Variants in MEPE observed in about 807,000 individuals in gnomAD.
The protein encoded by MEPE is matrix, extracellular phosphoglycoprotein with ASARM motif (bone).
Under a neutral mutation model 7.3 loss-of-function variants are expected in MEPE, and 7 were observed. The ratio of observed to expected loss-of-function variants is 0.95; its 90% CI spans 0.54 to 1.79. The LOEUF (loss-of-function observed/expected upper bound fraction) is 1.79, where lower values mean the gene tolerates loss of function less well. MEPE is among the 40% of genes most tolerant of loss of function. The probability of loss-of-function intolerance (pLI) is 0.00; values close to 1 mark genes in which losing one functional copy is unlikely to be tolerated. For synonymous variants in MEPE, 214 were observed against 213.1 expected (o/e 1.00, Z -0.04); for missense variants, 623 against 628.2 (o/e 0.99, Z 0.09).
chr4:87,822,741 A>T (rs920216474), intron 1 of MEPE, among the ~76,000 whole-genome samples: 2 of 152,200 alleles, frequency 1.3e-5, no homozygotes, highest in African/African-American at 4.8e-5. Flanking sequence ...GAGCAAGGTC[A>T]AAAGTCCTGT....
chr4:87,843,964 T>C (rs1196819014), intron 3 of MEPE, among the ~76,000 whole-genome samples: 1 of 152,204 alleles, frequency 6.6e-6, no homozygotes, highest in Non-Finnish European at 1.5e-5. Flanking sequence ...AAAATGAAGT[T>C]GTCGGCTACC....
At chr4:87,830,173 A>C (rs1346590903), upstream of MEPE, among the ~76,000 whole-genome samples, 1 of 152,162 alleles carries the variant, frequency 6.6e-6, no homozygotes, top group African/African-American at 2.4e-5. Context: ...AGATGTTCTT[A>C]AAAGCAGTTC....
At chr4:87,838,505 G>T in intron 2 of MEPE, 127 bp from the exon 3 acceptor site, 1 of 783,926 alleles carries the variant, frequency 1.3e-6, no homozygotes, top group Non-Finnish European at 2.1e-6. Flanking sequence ...TCTTCTTTTG[G>T]TTAGAATGAT....
chr4:87,839,863 CT>C, intron 3 of MEPE: 1 of 1,543,036 alleles, frequency 6.5e-7, no homozygotes, highest in African/African-American at 1.4e-5. Context: ...GCAAAGTTTA[CT>C]TTTGCTTGCT....
rs1339937776 is a variant in MEPE, at chr4:87,846,508, G to A, written c.*62G>A. 1.3e-6 allele frequency: 2 copies of A among 1,530,742 alleles called. No individual in the cohort carries two copies. Among genetic ancestry groups the A allele is most frequent in the African/African-American group, 1.4e-5 (1 of 72,408 alleles). The allele number at this position is 1,530,742 out of a possible 1,614,324, so 94.8% of individuals were successfully genotyped here. On this transcript the variant is annotated 3_prime_UTR_variant, in exon 4 of 4. Transcript: ENST00000361056. ...ACCTCGTCACCTGTGAGTTGATGTA[G>A]AGGAGAGCCACCTGACAGCTGACCA...
At chr4:87,834,594 A>C (rs1337775798) in intron 1 of MEPE, 109 bp from the exon 2 acceptor site, 5 of 787,098 alleles carry the variant, frequency 6.4e-6, no homozygotes, top group Non-Finnish European at 8.3e-6. Context: ...AAGGATATGA[A>C]CTGCCAAGGG....
chr4:87,829,539 T>C (rs1005956288), upstream of MEPE, among the ~76,000 whole-genome samples: 1 of 152,072 alleles, frequency 6.6e-6, no homozygotes, highest in Admixed American at 6.6e-5. Flanking sequence ...ATTATAGCAA[T>C]AAAAAAATGA....
At chr4:87,837,220 A>G (rs888602923) in intron 2 of MEPE, among the ~76,000 whole-genome samples, 1 of 151,364 alleles carries the variant, frequency 6.6e-6, no homozygotes, top group African/African-American at 2.4e-5. Context: ...GGCTGGAAGG[A>G]AAAAAAAAGG....
In MEPE at chr4:87,833,949, C is replaced by T. The variant is rs189046540; in HGVS notation, c.-12-754C>T. On this transcript the variant is annotated intron_variant, in intron 1 of 3. Coordinates refer to ENST00000361056, the MANE Select transcript of MEPE (RefSeq NM_020203.6). ...AAAACTGGGTCTAGAGCCACATTGC[C>T]TGGATACTAATCCCAGTTCTGCCCC... 1.5e-4 allele frequency among the ~76,000 whole-genome samples: 23 copies of T among 152,278 alleles called. No individual in the cohort carries two copies. The East Asian group carries it at 4.4e-3, about 29-fold the overall frequency.
chr4:87,821,940 C>T (rs1156610884), intron 1 of MEPE, among the ~76,000 whole-genome samples: 2 of 152,156 alleles, frequency 1.3e-5, no homozygotes, highest in East Asian at 3.9e-4. Flanking sequence ...ATATATGCAG[C>T]ACAAGACCAC....
chr4:87,843,209 C>G (rs563329201), intron 3 of MEPE, among the ~76,000 whole-genome samples: 4 of 152,214 alleles, frequency 2.6e-5, no homozygotes, highest in Admixed American at 6.5e-5. Flanking sequence ...TTTCTTACCA[C>G]TGTTCCTCCT....
chr4:87,844,847 T>C, intron 3 of MEPE, 130 bp from the exon 4 acceptor site: 1 of 687,170 alleles, frequency 1.5e-6, no homozygotes, highest in Non-Finnish European at 2.2e-6. Context: ...CCTCTACCAG[T>C]AAACCTCTAT....
chr4:87,830,582 G>C (rs1411520243), upstream of MEPE, among the ~76,000 whole-genome samples: 13 of 152,122 alleles, frequency 8.5e-5, no homozygotes, highest in Admixed American at 6.6e-4. Context: ...CTACTTGAGG[G>C]TGAAGGGTGG....
At chr4:87,826,889 C>G (rs1282874759) in intron 1 of MEPE, among the ~76,000 whole-genome samples, 1 of 152,044 alleles carries the variant, frequency 6.6e-6, no homozygotes, top group Non-Finnish European at 1.5e-5. Flanking sequence ...CTTATAGACT[C>G]TGGATATTAG....
Position 87,834,787 on chromosome 4 carries a change from A to C in MEPE, c.54+19A>C. The C allele has an allele frequency of 3.7e-6, 6 of 1,600,948 alleles. No homozygotes were observed. The highest frequency in any genetic ancestry group is 5.1e-6 in the Non-Finnish European group (6 of 1,171,858). On this transcript the variant is annotated intron_variant, in intron 2 of 3. Transcript: ENST00000361056. Reference sequence around the variant, plus strand: ...AGCACCAGTAAGTATTTACAAATTCAATTATATTTCAGATAATCTCTTGCT... The same window carrying C: ...AGCACCAGTAAGTATTTACAAATTCCATTATATTTCAGATAATCTCTTGCT...
rs1339849638 is a variant in MEPE, at chr4:87,845,603, A to G, written c.735A>G (p.Gln245=). 3 of 1,613,576 alleles carry G rather than the reference A, an allele frequency of 1.9e-6. No individual in the cohort carries two copies. The Admixed American group carries it at 5.0e-5, about 27-fold the overall frequency. Residue 245 remains glutamine, a synonymous_variant, in exon 4 of 4, where the codon CAA becomes CAG. Coordinates refer to ENST00000361056, the MANE Select transcript of MEPE (RefSeq NM_020203.6). ...AAGGCAGCGGTTATACAGATCTTCA[A>G]GAGAGAGGGGACAATGATATATCTC... is the stretch of plus-strand genomic sequence containing the variant. ...DFEGSGYTDL[Q]ERGDNDISPF...
intron 1 of MEPE, among the ~76,000 whole-genome samples, chr4:87,822,698 A>T (rs1722365751): frequency 6.6e-6 from 1 of 152,112 alleles, no homozygotes; most frequent in Non-Finnish European, 1.5e-5. Flanking sequence ...AAATAGGTAT[A>T]CTCACAAAGA....
chr4:87,836,959 T>G (rs1000833093), intron 2 of MEPE, among the ~76,000 whole-genome samples: 18 of 152,206 alleles, frequency 1.2e-4, no homozygotes, highest in Non-Finnish European at 1.2e-4. Context: ...ATTGTTATTT[T>G]CTAGAATGGA....
At chr4:87,830,864 C>T (rs925026235), upstream of MEPE, among the ~76,000 whole-genome samples, 1 of 151,326 alleles carries the variant, frequency 6.6e-6, no homozygotes, top group African/African-American at 2.4e-5. Context: ...CTAGAAAAGG[C>T]ACCATTTTCT....
Sources: gnomAD v4.1 joint callset for allele counts (sites outside exome capture counted in the v4.1 genomes callset) on GRCh38, gnomAD v4.1.1 for gene constraint, MANE v1.5 for transcripts, NCBI Gene and HGNC (gene_info 2026-07-23, HGNC 2026-07-21) for gene names.